KDM4B: variants seen among roughly 807,000 people sequenced by gnomAD.
The protein encoded by KDM4B is lysine demethylase 4B.
KDM4B carries 32 observed loss-of-function variants against 125.2 expected under a neutral mutation model. The observed-to-expected ratio is 0.26, with a 90% CI of 0.19 to 0.34. KDM4B has a LOEUF of 0.34. Ranked by LOEUF, KDM4B falls within the 10% of genes least tolerant of loss-of-function variation. The pLI, the probability that KDM4B is intolerant of heterozygous loss-of-function variation, is 1.00. For missense variants in KDM4B, 1,190 were observed against 1,577.7 expected (o/e 0.75, Z 4.16); for synonymous variants, 721 against 677.9 (o/e 1.06, Z -0.99).
intron 17 of KDM4B, 103 bp from the exon 18 acceptor site, chr19:5,137,859 C>G (rs1488437393): frequency 4.4e-6 from 5 of 1,135,878 alleles, no homozygotes; most frequent in Non-Finnish European, 6.3e-6. Context: ...TCCTGAAGTT[C>G]CCCAGGCCCT....
intron 7 of KDM4B, among the ~76,000 whole-genome samples, chr19:5,071,601 A>C (rs904840891): frequency 2.6e-5 from 4 of 151,850 alleles, no homozygotes; most frequent in African/African-American, 9.7e-5. Context: ...CTCCCTGGGG[A>C]CTCTTGGGAA....
intron 9 of KDM4B, among the ~76,000 whole-genome samples, chr19:5,097,039 A>G (rs1433638123): frequency 1.3e-5 from 2 of 152,164 alleles, no homozygotes; most frequent in African/African-American, 4.8e-5. Context: ...TGGAGTCAGC[A>G]GGGCGGGGAG....
chr19:5,068,370 C>T (rs539046465), intron 6 of KDM4B, among the ~76,000 whole-genome samples: 5 of 152,306 alleles, frequency 3.3e-5, no homozygotes, highest in Admixed American at 2.6e-4. Flanking sequence ...CTGGGCTTTT[C>T]AGGACATCCG....
chr19:5,001,894 C>T (rs966792133), intron 1 of KDM4B, among the ~76,000 whole-genome samples: 1 of 152,014 alleles, frequency 6.6e-6, no homozygotes, highest in African/African-American at 2.4e-5. Flanking sequence ...ATACTTTTCA[C>T]TTGCTTTTTT....
At chr19:5,090,511 T>G (rs1599599181) in intron 9 of KDM4B, among the ~76,000 whole-genome samples, 1 of 28,258 alleles carries the variant, frequency 3.5e-5, no homozygotes, top group Non-Finnish European at 7.3e-5. Flanking sequence ...GCCCCCTCTC[T>G]CTCCCTCTCC....
chr19:4,981,079 G>A (rs1383802650), intron 1 of KDM4B, among the ~76,000 whole-genome samples: 3 of 152,068 alleles, frequency 2.0e-5, no homozygotes, highest in African/African-American at 7.2e-5. Context: ...CATTAGTGGC[G>A]AGTCCGCGCC....
At chr19:5,015,723 C>T (rs1181853036) in intron 1 of KDM4B, among the ~76,000 whole-genome samples, 2 of 152,234 alleles carry the variant, frequency 1.3e-5, no homozygotes, top group East Asian at 1.9e-4. Flanking sequence ...GTGTCACATC[C>T]AAAGTTTGGA....
At position 5,004,902 on chromosome 19, in the gene KDM4B, G is replaced by A. The variant is rs895964597; in HGVS notation, c.-108-11355G>A. 2.6e-5 allele frequency among the ~76,000 whole-genome samples: 4 copies of A among 152,220 alleles called. No individual in the cohort carries two copies. The East Asian group carries it at 5.8e-4, about 22-fold the overall frequency. On this transcript the variant is annotated intron_variant, in intron 1 of 22. Coordinates refer to ENST00000159111, the MANE Select transcript of KDM4B (RefSeq NM_015015.3). ...GGGACAGACGTAAGGCTTTGGTGCC[G>A]GAACCAGGAGCATCCCGGGCAAAGT...
intron 15 of KDM4B, 68 bp from the exon 16 acceptor site, chr19:5,137,193 CT>C: frequency 8.4e-7 from 1 of 1,187,588 alleles, no homozygotes. Flanking sequence ...GCCCCTCCCC[CT>C]GAGTTTCACT....
At chr19:5,119,900 G>T (rs529136310) in intron 11 of KDM4B, 48 bp downstream of exon 11, 13 of 1,537,342 alleles carry the variant, frequency 8.5e-6, no homozygotes, top group Non-Finnish European at 1.1e-5. Flanking sequence ...TCCCACCCCC[G>T]TGGGCATCTC....
At chr19:5,044,858 C>G (rs1447644087) in intron 5 of KDM4B, among the ~76,000 whole-genome samples, 3 of 152,200 alleles carry the variant, frequency 2.0e-5, no homozygotes, top group Admixed American at 6.5e-5. Context: ...CAGTCGGTAG[C>G]CTTTTCCCAT....
chr19:4,975,630 T>A (rs2034418833), intron 1 of KDM4B, among the ~76,000 whole-genome samples: 1 of 151,228 alleles, frequency 6.6e-6, no homozygotes, highest in Non-Finnish European at 1.5e-5. Context: ...TTTTGCTCTG[T>A]GGCCCAGGCT....
At chr19:4,970,196 G>A (rs1479277930) in intron 1 of KDM4B, among the ~76,000 whole-genome samples, 1 of 152,212 alleles carries the variant, frequency 6.6e-6, no homozygotes, top group Non-Finnish European at 1.5e-5. Flanking sequence ...AAGGTTTTAA[G>A]GGGCATGTTT....
At chr19:5,038,149 T>C (rs945109905) in intron 3 of KDM4B, among the ~76,000 whole-genome samples, 1 of 152,216 alleles carries the variant, frequency 6.6e-6, no homozygotes, top group Non-Finnish European at 1.5e-5. Flanking sequence ...CTTCTCCCTG[T>C]GCAGTGGGTG....
intron 3 of KDM4B, among the ~76,000 whole-genome samples, chr19:5,038,877 A>T (rs1486385995): frequency 6.6e-6 from 1 of 152,196 alleles, no homozygotes; most frequent in African/African-American, 2.4e-5. Flanking sequence ...CTGCGCCTGC[A>T]CTTCCTGTTG....
At position 5,047,520 on chromosome 19, in the gene KDM4B, C is replaced by T. The variant is rs1407158310; in HGVS notation, c.477C>T (p.Asp159=). 4 of 1,613,654 alleles carry T rather than the reference C, an allele frequency of 2.5e-6. No homozygotes were observed. Among genetic ancestry groups the T allele is most frequent in the Non-Finnish European group, 3.4e-6 (4 of 1,179,800 alleles). Residue 159 remains aspartate (D), a synonymous_variant, in exon 6 of 23, where the codon GAC becomes GAT. Coordinates refer to ENST00000159111, the MANE Select transcript of KDM4B (RefSeq NM_015015.3). Reference sequence around the variant, plus strand: ...TCGGGAGCCTCCGGACCATCCTGGACATGGTGGAGCGCGAGTGCGGCACCA... The same window carrying T: ...TCGGGAGCCTCCGGACCATCCTGGATATGGTGGAGCGCGAGTGCGGCACCA... The part of the protein sequence containing the change: ...WNIGSLRTIL[D]MVERECGTII...
intron 7 of KDM4B, among the ~76,000 whole-genome samples, chr19:5,073,922 G>C (rs1022661985): frequency 7.9e-5 from 12 of 152,194 alleles, no homozygotes; most frequent in Admixed American, 1.3e-4. Flanking sequence ...TTCAAGACCA[G>C]CCTCAGGAAC....
intron 1 of KDM4B, among the ~76,000 whole-genome samples, chr19:4,980,105 A>C (rs1373786334): frequency 1.7e-5 from 1 of 57,648 alleles, no homozygotes; most frequent in Non-Finnish European, 3.1e-5. Context: ...ACCTTTTCTC[A>C]AAAAAAAAAA....
At chr19:5,076,980 G>A (rs926098719) in intron 7 of KDM4B, 1 of 233,988 alleles carries the variant, frequency 4.3e-6, no homozygotes, top group Non-Finnish European at 8.5e-6. Flanking sequence ...AGGGACCCAA[G>A]TGTATGCCAT....
Sources: gnomAD v4.1 joint callset for allele counts (sites outside exome capture counted in the v4.1 genomes callset) on GRCh38, gnomAD v4.1.1 for gene constraint, MANE v1.5 for transcripts, NCBI Gene and HGNC (gene_info 2026-07-23, HGNC 2026-07-21) for gene names.